Variants in GRM8 observed in about 807,000 individuals in gnomAD.
GRM8 encodes glutamate metabotropic receptor 8, also known as metabotropic glutamate receptor 8.
Under a neutral mutation model 87.2 loss-of-function variants are expected in GRM8, and 47 were observed. That is an observed-to-expected ratio of 0.54 (90% CI 0.43 to 0.69). The LOEUF is 0.69. GRM8 is among the 30% of genes least tolerant of loss of function. The probability of loss-of-function intolerance (pLI) is 0.00; values close to 1 mark genes in which losing one functional copy is unlikely to be tolerated. For synonymous variants in GRM8, 396 were observed against 404.5 expected (o/e 0.98, Z 0.25); for missense variants, 1,019 against 1,139.2 (o/e 0.89, Z 1.52).
chr7:127,176,987 G>A (rs2116373628), intron 2 of GRM8, among the ~76,000 whole-genome samples: 1 of 152,264 alleles, frequency 6.6e-6, no homozygotes, highest in African/African-American at 2.4e-5. Context: ...AATTTGAAGG[G>A]TGGGAAGCCT....
chr7:126,496,694 C>T (rs1245926490), intron 9 of GRM8, among the ~76,000 whole-genome samples: 6 of 151,954 alleles, frequency 3.9e-5, no homozygotes, highest in African/African-American at 1.4e-4. Flanking sequence ...ATGATTATCA[C>T]TCAATAACTC....
chr7:126,490,362 G>A (rs1807863794), intron 9 of GRM8, among the ~76,000 whole-genome samples: 1 of 152,004 alleles, frequency 6.6e-6, no homozygotes, highest in Non-Finnish European at 1.5e-5. Context: ...ATATTCTGCT[G>A]AATAAAGCCT....
chr7:126,477,723 A>G (rs1806166600), intron 9 of GRM8, among the ~76,000 whole-genome samples: 1 of 151,988 alleles, frequency 6.6e-6, no homozygotes, highest in Non-Finnish European at 1.5e-5. Context: ...GAAGGAAAGA[A>G]GGAAAGGAGG....
intron 7 of GRM8, among the ~76,000 whole-genome samples, chr7:126,763,168 T>A (rs1043024972): frequency 2.0e-5 from 3 of 151,536 alleles, no homozygotes; most frequent in African/African-American, 7.3e-5. Flanking sequence ...ATTTGTAATA[T>A]CCAAGTGTTA....
intron 9 of GRM8, among the ~76,000 whole-genome samples, chr7:126,519,629 T>C (rs1457456675): frequency 6.6e-6 from 1 of 152,014 alleles, no homozygotes; most frequent in Non-Finnish European, 1.5e-5. Flanking sequence ...AATGGACTGA[T>C]TGAGTAACTA....
chr7:126,856,785 G>C (rs1797725542), intron 6 of GRM8, among the ~76,000 whole-genome samples: 1 of 152,198 alleles, frequency 6.6e-6, no homozygotes, highest in Non-Finnish European at 1.5e-5. Context: ...ACACATTGCT[G>C]TTTAATTCTT....
intron 7 of GRM8, among the ~76,000 whole-genome samples, chr7:126,613,463 C>T (rs150900151): frequency 0.016 from 2,394 of 152,208 alleles, 48 homozygotes; most frequent in African/African-American, 0.043. Flanking sequence ...ACGCAGAAGA[C>T]GGGTGATTTC....
At chr7:126,677,243 C>T (rs965547569) in intron 7 of GRM8, among the ~76,000 whole-genome samples, 3 of 151,552 alleles carry the variant, frequency 2.0e-5, no homozygotes, top group African/African-American at 4.9e-5. Flanking sequence ...ACTTACACAC[C>T]GGAGATTGGA....
intron 8 of GRM8, among the ~76,000 whole-genome samples, chr7:126,557,470 T>G (rs1020816722): frequency 3.3e-5 from 5 of 152,198 alleles, no homozygotes. Flanking sequence ...AGGATCCATC[T>G]TCACTTTTGT....
rs1563300698 is a variant in GRM8 at position 126,903,735 on chromosome 7, G to GTATATATATATGTATATGTGTA, written c.1018+215_1018+236dup. ...TATGTGTATATATATATGTATATGT[G>GTATATATATATGTATATGTGTA]TATATATATATGTATATGTGTATAT... is the stretch of plus-strand genomic sequence containing the variant. On this transcript the variant is annotated intron_variant, in intron 5 of 10. Transcript: ENST00000339582. Among the ~76,000 whole-genome samples, 5 of 125,308 alleles carry GTATATATATATGTATATGTGTA rather than the reference G, an allele frequency of 4.0e-5. 1 individual carries two copies. Among genetic ancestry groups the GTATATATATATGTATATGTGTA allele is most frequent in the African/African-American group, 6.1e-5 (2 of 32,990 alleles). The allele number at this position is 125,308 out of a possible 152,430, so 82.2% of individuals were successfully genotyped here.
chr7:126,995,763 G>A (rs942680197), intron 3 of GRM8, among the ~76,000 whole-genome samples: 1 of 152,076 alleles, frequency 6.6e-6, no homozygotes, highest in African/African-American at 2.4e-5. Flanking sequence ...TGGCCTTAAA[G>A]AGGAAGTAGA....
intron 7 of GRM8, among the ~76,000 whole-genome samples, chr7:126,755,361 G>A (rs1439771675): frequency 6.6e-6 from 1 of 151,944 alleles, no homozygotes; most frequent in African/African-American, 2.4e-5. Flanking sequence ...ATATACCCAA[G>A]TAATTCTTAT....
At chr7:127,192,459 A>C (rs1795075451) in intron 2 of GRM8, among the ~76,000 whole-genome samples, 1 of 152,188 alleles carries the variant, frequency 6.6e-6, no homozygotes, top group Non-Finnish European at 1.5e-5. Context: ...CAGATTCTAG[A>C]CTATTCCAAA....
intron 8 of GRM8, among the ~76,000 whole-genome samples, chr7:126,541,871 C>A (rs773406099): frequency 3.9e-5 from 6 of 152,142 alleles, no homozygotes; most frequent in Non-Finnish European, 7.3e-5. Context: ...TTGTGTACCT[C>A]CCAAAATTCA....
intron 3 of GRM8, among the ~76,000 whole-genome samples, chr7:126,946,443 A>G (rs1451533843): frequency 6.6e-6 from 1 of 152,206 alleles, no homozygotes. Context: ...TGAGGCTCCA[A>G]TGAGCCTGAG....
chr7:127,173,414 T>C (rs1441492692), intron 2 of GRM8, among the ~76,000 whole-genome samples: 1 of 152,076 alleles, frequency 6.6e-6, no homozygotes, highest in Non-Finnish European at 1.5e-5. Flanking sequence ...GGGGCATGCC[T>C]GGATCGTTCC....
chr7:126,902,638 G>A lies in GRM8; in HGVS notation c.1060C>T (p.Arg354Ter), dbSNP rs199524891. 8 of 1,609,070 alleles carry A rather than the reference G, an allele frequency of 5.0e-6. No individual in the cohort carries two copies. Among genetic ancestry groups the A allele is most frequent in the Non-Finnish European group, 5.9e-6 (7 of 1,177,100 alleles). Residue 354 changes from arginine (R) to a stop codon, truncating the protein, a stop_gained, in exon 6 of 11, where the codon CGA (arginine) becomes TGA (stop). Transcript: ENST00000339582. LOFTEE classifies it high-confidence loss of function. Reference sequence around the variant, plus strand: ...AATTCTGCAAACCACACATTTCTTCGATTATTGGCAAGAGTTCGGCTTCTA... The same window carrying A: ...AATTCTGCAAACCACACATTTCTTCAATTATTGGCAAGAGTTCGGCTTCTA... ...YFRSRTLANN[R>*]RNVWFAEFWE...
intron 2 of GRM8, among the ~76,000 whole-genome samples, chr7:127,152,159 G>A (rs2237796): frequency 0.19 from 28,440 of 152,028 alleles, 3,017 homozygotes; most frequent in Non-Finnish European, 0.24. Flanking sequence ...CAGAGCATAT[G>A]TTTTAAGTCA....
chr7:126,536,443 C>T (rs1355359123), intron 8 of GRM8, among the ~76,000 whole-genome samples: 1 of 152,126 alleles, frequency 6.6e-6, no homozygotes, highest in South Asian at 2.1e-4. Context: ...AAAGTAGATG[C>T]TACTTCATCT....
Sources: gnomAD v4.1 joint callset for allele counts (sites outside exome capture counted in the v4.1 genomes callset) on GRCh38, gnomAD v4.1.1 for gene constraint, MANE v1.5 for transcripts, NCBI Gene and HGNC (gene_info 2026-07-23, HGNC 2026-07-21) for gene names.